ATP8B4: variants seen among roughly 807,000 people sequenced by gnomAD.
ATP8B4 encodes the protein probable phospholipid-transporting ATPase IM.
Under a neutral mutation model 145.6 loss-of-function variants are expected in ATP8B4, and 133 were observed. That is an observed-to-expected ratio of 0.91 (90% CI 0.79 to 1.05). ATP8B4 has a LOEUF of 1.05. Among genes scored for constraint, ATP8B4 ranks in the 50% least tolerant of loss-of-function variants. The pLI is 0.00. For missense variants in ATP8B4, 1,458 were observed against 1,425.2 expected (o/e 1.02, Z -0.37); for synonymous variants, 507 against 492.9 (o/e 1.03, Z -0.38).
At chr15:49,961,518 A>T (rs1599450874) in intron 14 of ATP8B4, among the ~76,000 whole-genome samples, 1 of 152,210 alleles carries the variant, frequency 6.6e-6, no homozygotes, top group East Asian at 1.9e-4. Context: ...TCTTTACTAG[A>T]AAAATATTGA....
chr15:49,996,689 C>T lies in ATP8B4; in HGVS notation c.577G>A (p.Ala193Thr). 6.2e-7 allele frequency: 1 copy of T among 1,605,886 alleles called. No homozygotes were observed. ...SELGADISRL[A>T]GFDGIVVCEV... ...TTAAAATACTTACCATCAAACCCTG[C>T]AAGTCTGCTGATATCTGCTCCAAGT... Residue 193 changes from alanine (A) to threonine (T), a missense_variant, in exon 9 of 28, where the codon GCA (alanine) becomes ACA (threonine). Coordinates refer to ENST00000284509, the MANE Select transcript of ATP8B4 (RefSeq NM_024837.4).
intron 20 of ATP8B4, among the ~76,000 whole-genome samples, chr15:49,911,505 T>C (rs973795615): frequency 6.6e-6 from 1 of 152,024 alleles, no homozygotes; most frequent in African/African-American, 2.4e-5. Flanking sequence ...TAAATATATA[T>C]TCACCCAACA....
At chr15:50,007,914 T>G (rs1383418853) in intron 7 of ATP8B4, among the ~76,000 whole-genome samples, 1 of 152,214 alleles carries the variant, frequency 6.6e-6, no homozygotes, top group Non-Finnish European at 1.5e-5. Flanking sequence ...TGAGGTGGAT[T>G]TGAAGGACTC....
chr15:49,950,217 T>G (rs2042943881), intron 14 of ATP8B4, among the ~76,000 whole-genome samples: 1 of 152,192 alleles, frequency 6.6e-6, no homozygotes, highest in Admixed American at 6.5e-5. Flanking sequence ...TTGTTTGAAA[T>G]AGTTTCAGAA....
At chr15:49,961,315 T>G (rs1203981992) in intron 14 of ATP8B4, among the ~76,000 whole-genome samples, 2 of 152,116 alleles carry the variant, frequency 1.3e-5, no homozygotes. Context: ...TTGGTGACAG[T>G]GGGGGAAATC....
rs190806704 is a variant in ATP8B4 at position 50,034,421 on chromosome 15, G to A, written c.362+4347C>T. 4.9e-3 allele frequency among the ~76,000 whole-genome samples: 741 copies of A among 151,872 alleles called. 15 individuals are homozygous for A. Among genetic ancestry groups the A allele is most frequent in the Admixed American group, 0.039 (587 of 15,242 alleles). On this transcript the variant is annotated intron_variant, in intron 6 of 27. Coordinates refer to ENST00000284509, the MANE Select transcript of ATP8B4 (RefSeq NM_024837.4). ...ATTTTTGTATTTTTGGTAGAGATGGGGTTTCACCATGTTGGTCAAGCTGGT... is the reference window on the plus strand; with the variant it reads ...ATTTTTGTATTTTTGGTAGAGATGGAGTTTCACCATGTTGGTCAAGCTGGT...
chr15:50,065,017 G>A (rs2053281318), intron 3 of ATP8B4, among the ~76,000 whole-genome samples: 2 of 152,060 alleles, frequency 1.3e-5, no homozygotes, highest in South Asian at 2.1e-4. Flanking sequence ...CAACACTAGC[G>A]ATGACAATTC....
At chr15:49,922,517 G>A (rs916403317) in intron 17 of ATP8B4, 1 of 325,384 alleles carries the variant, frequency 3.1e-6, no homozygotes, top group Non-Finnish European at 6.0e-6. Flanking sequence ...GTGAGACAGA[G>A]GATTTTTTTT....
At chr15:50,074,323 T>C in intron 2 of ATP8B4, 138 bp from the exon 3 acceptor site, 1 of 721,710 alleles carries the variant, frequency 1.4e-6, no homozygotes, top group Admixed American at 2.9e-5. Context: ...GGTATTGGCT[T>C]TTTCCAGTGT....
chr15:49,995,443 C>G (rs2047347147), intron 9 of ATP8B4, among the ~76,000 whole-genome samples: 1 of 152,070 alleles, frequency 6.6e-6, no homozygotes, highest in South Asian at 2.1e-4. Context: ...TTATTCTAAT[C>G]AAAATATTTC....
intron 3 of ATP8B4, among the ~76,000 whole-genome samples, chr15:50,058,866 T>C (rs1194882641): frequency 6.6e-6 from 1 of 151,768 alleles, no homozygotes; most frequent in African/African-American, 2.4e-5. Context: ...TGAGTGGCTT[T>C]TGTTTGGGAG....
chr15:50,106,132 G>A (rs1183530328), intron 2 of ATP8B4, among the ~76,000 whole-genome samples: 1 of 152,150 alleles, frequency 6.6e-6, no homozygotes, highest in Admixed American at 6.5e-5. Context: ...TGCAGAAGTA[G>A]GTTAACCACC....
intron 1 of ATP8B4, among the ~76,000 whole-genome samples, chr15:50,151,159 G>A (rs1392469544): frequency 1.3e-5 from 2 of 152,158 alleles, no homozygotes; most frequent in Non-Finnish European, 2.9e-5. Context: ...AAAGAAAGTT[G>A]GATTGGAAGG....
chr15:49,861,481 C>T (rs868005479), intron 27 of ATP8B4, among the ~76,000 whole-genome samples: 38 of 138,956 alleles, frequency 2.7e-4, no homozygotes, highest in African/African-American at 5.8e-4. Context: ...TATCTACCTA[C>T]CTACCTACCT....
chr15:50,072,956 CTCTCTCTCTCTCTCTCTCTCTCTCTATA>C (rs2053870351), intron 3 of ATP8B4, among the ~76,000 whole-genome samples: 1 of 31,274 alleles, frequency 3.2e-5, no homozygotes, highest in African/African-American at 1.4e-4. Flanking sequence ...CTCTCTCTCT[CTCTCTCTCTCTCTCTCTCTCTCTCTATA>C]TATATATATA....
chr15:50,091,026 C>T (rs1242906724), intron 2 of ATP8B4, among the ~76,000 whole-genome samples: 2 of 151,846 alleles, frequency 1.3e-5, no homozygotes, highest in African/African-American at 2.4e-5. Flanking sequence ...CTTTTAGGTG[C>T]TTTTAAAAAA....
chr15:49,897,517 T>TA lies in ATP8B4; in HGVS notation c.2474-3dup. ...TGATGCCAACACCAATGTGAGCACCTACAAAGGAAAGAGGAACACTGTCAC... is the reference window on the plus strand; with the variant it reads ...TGATGCCAACACCAATGTGAGCACCTAACAAAGGAAAGAGGAACACTGTCAC... On this transcript the variant is annotated splice_region_variant and splice_polypyrimidine_tract_variant and intron_variant, in intron 22 of 27. Transcript: ENST00000284509. The TA allele has an allele frequency of 1.3e-6, 2 of 1,523,412 alleles. No individual in the cohort carries two copies. Among genetic ancestry groups the TA allele is most frequent in the Non-Finnish European group, 1.8e-6 (2 of 1,135,284 alleles). The allele number at this position is 1,523,412 out of a possible 1,614,324, so 94.4% of individuals were successfully genotyped here. A position where few individuals can be genotyped will look rare whatever the true frequency, so the allele number is the denominator to read the frequency against.
intron 1 of ATP8B4, among the ~76,000 whole-genome samples, chr15:50,162,309 T>A (rs1226986292): frequency 1.3e-5 from 2 of 150,780 alleles, no homozygotes; most frequent in Non-Finnish European, 3.0e-5. Flanking sequence ...TTTATTAATA[T>A]CTTTATTTAT....
intron 13 of ATP8B4, among the ~76,000 whole-genome samples, chr15:49,963,097 ATGTGG>A (rs1567089854): frequency 1.4e-3 from 210 of 152,338 alleles, no homozygotes; most frequent in African/African-American, 4.9e-3. Flanking sequence ...CGCCATTAAA[ATGTGG>A]GCAAAGGACA....
Sources: allele counts gnomAD v4.1 joint callset (sites outside exome capture counted in the v4.1 genomes callset), GRCh38; gene constraint gnomAD v4.1.1; transcripts MANE v1.5; gene names NCBI Gene and HGNC (gene_info 2026-07-23, HGNC 2026-07-21).